The following IQGAP1 variants were observed in gnomAD, a reference collection of about 807,000 sequenced individuals.
IQGAP1 encodes the protein ras GTPase-activating-like protein IQGAP1.
IQGAP1 carries 66 observed loss-of-function variants against 215.6 expected under a neutral mutation model. That is an observed-to-expected ratio of 0.31 (90% CI 0.25 to 0.38). The LOEUF is 0.38. Among genes scored for constraint, IQGAP1 ranks in the 10% least tolerant of loss-of-function variants. The pLI is 1.00. For missense variants in IQGAP1, 1,712 were observed against 1,997.1 expected, an observed-to-expected ratio of 0.86 and a Z score of 2.72; for synonymous variants, 772 against 728.7, an observed-to-expected ratio of 1.06 and a Z score of -0.96.
At chr15:90,470,341 G>T (rs190028325) in intron 18 of IQGAP1, among the ~76,000 whole-genome samples, 1 of 152,032 alleles carries the variant, frequency 6.6e-6, no homozygotes, top group African/African-American at 2.4e-5. Flanking sequence ...TGCAGACCTT[G>T]TACTTTTTGT....
chr15:90,442,443 T>C (rs1036783770), intron 8 of IQGAP1, among the ~76,000 whole-genome samples: 6 of 129,258 alleles, frequency 4.6e-5, no homozygotes, highest in African/African-American at 1.4e-4. Context: ...AGACTCCGTC[T>C]CGGGGGGGAA....
chr15:90,483,181 T>G, intron 28 of IQGAP1, 180 bp from the exon 29 acceptor site: 1 of 569,296 alleles, frequency 1.8e-6, no homozygotes. Context: ...GGATATTTCA[T>G]TTAGTTCCAG....
chr15:90,469,155 A>G (rs1413592470), intron 18 of IQGAP1, among the ~76,000 whole-genome samples: 1 of 152,084 alleles, frequency 6.6e-6, no homozygotes, highest in African/African-American at 2.4e-5. Flanking sequence ...TACTTAAACC[A>G]GAGTTGTTTA....
chr15:90,471,654 C>G (rs1264487018), intron 18 of IQGAP1, among the ~76,000 whole-genome samples: 3 of 151,950 alleles, frequency 2.0e-5, no homozygotes, highest in Non-Finnish European at 1.5e-5. Flanking sequence ...CATGCGCCAC[C>G]ACACCTGGCT....
At chr15:90,493,072 A>G (rs1384789270) in intron 35 of IQGAP1, among the ~76,000 whole-genome samples, 1 of 152,056 alleles carries the variant, frequency 6.6e-6, no homozygotes, top group Non-Finnish European at 1.5e-5. Flanking sequence ...GTGATACCCC[A>G]TCTCTACTAA....
At chr15:90,428,956 G>A (rs961991312) in intron 3 of IQGAP1, among the ~76,000 whole-genome samples, 2 of 152,046 alleles carry the variant, frequency 1.3e-5, no homozygotes, top group Admixed American at 1.3e-4. Flanking sequence ...CAGGTTCAAC[G>A]ATTCTCCTGC....
chr15:90,481,869 G>A, intron 26 of IQGAP1, 91 bp from the exon 27 acceptor site: 1 of 1,314,908 alleles, frequency 7.6e-7, no homozygotes, highest in South Asian at 1.3e-5. Flanking sequence ...AATATTTCTG[G>A]GTCTTATAGT....
At chr15:90,491,741 T>C (rs992191031) in intron 34 of IQGAP1, 196 bp downstream of exon 34, 5 of 572,856 alleles carry the variant, frequency 8.7e-6, no homozygotes, top group South Asian at 2.2e-5. Context: ...CCTAAATTAC[T>C]AGGGAGAGGA....
intron 2 of IQGAP1, among the ~76,000 whole-genome samples, chr15:90,399,624 T>C (rs562892349): frequency 2.0e-4 from 31 of 152,346 alleles, no homozygotes; most frequent in African/African-American, 6.3e-4. Context: ...GATAGTTTAA[T>C]TTCTCTAAAA....
intron 2 of IQGAP1, among the ~76,000 whole-genome samples, chr15:90,413,544 C>T (rs1018789103): frequency 1.1e-4 from 16 of 152,050 alleles, no homozygotes; most frequent in African/African-American, 1.5e-4. Context: ...CATTTTTAGA[C>T]GTAATGTCAG....
chr15:90,479,358 T>G lies in IQGAP1; in HGVS notation c.3329+1469T>G, dbSNP rs568950754. Reference sequence around the variant, plus strand: ...TCCACACTTTGAATAACACTATTCTTCATTCTACTTTCCATGTACCCGGAT... The same window carrying G: ...TCCACACTTTGAATAACACTATTCTGCATTCTACTTTCCATGTACCCGGAT... On this transcript the variant is annotated intron_variant, in intron 26 of 37. Coordinates refer to ENST00000268182, the MANE Select transcript of IQGAP1 (RefSeq NM_003870.4). Among the ~76,000 whole-genome samples the G allele has an allele frequency of 3.0e-4, 46 of 152,300 alleles. 1 individual carries two copies. The South Asian group carries it at 9.3e-3, about 31-fold the overall frequency.
intron 9 of IQGAP1, among the ~76,000 whole-genome samples, chr15:90,447,963 A>T (rs7173201): frequency 0.36 from 54,099 of 151,820 alleles, 10,276 homozygotes; most frequent in East Asian, 0.67. Context: ...CCTTGATAGC[A>T]GGGCACTGAC....
chr15:90,435,644 T>TA (rs2151017329), intron 5 of IQGAP1, among the ~76,000 whole-genome samples: 1 of 152,348 alleles, frequency 6.6e-6, no homozygotes, highest in East Asian at 1.9e-4. Context: ...TCCTCTCTGC[T>TA]AGTTGTGTAG....
At chr15:90,444,372 C>T (rs1965497860) in intron 9 of IQGAP1, among the ~76,000 whole-genome samples, 1 of 151,250 alleles carries the variant, frequency 6.6e-6, no homozygotes, top group South Asian at 2.1e-4. Flanking sequence ...GCCTCAAACT[C>T]TTGGGCTCAA....
rs1019782068 is a variant in IQGAP1, at chr15:90,448,517, T to C, written c.914-56T>C. 21 of 1,470,406 alleles carry C rather than the reference T, an allele frequency of 1.4e-5. No homozygotes were observed. In the African/African-American group the frequency reaches 1.9e-4, roughly 13 times the overall value. The allele number at this position is 1,470,406 out of a possible 1,614,324, so 91.1% of individuals were successfully genotyped here. On this transcript the variant is annotated intron_variant, in intron 9 of 37. Transcript: ENST00000268182. ...GATTGGTTTTGGGGAAGGAAAACTA[T>C]TCTAGGCTCTTCTGTTAACATAGTC...
intron 2 of IQGAP1, among the ~76,000 whole-genome samples, chr15:90,394,089 A>G (rs941343057): frequency 2.1e-5 from 3 of 145,888 alleles, no homozygotes; most frequent in African/African-American, 7.7e-5. Flanking sequence ...AAGCTGAGAC[A>G]GTGCCATTGC....
At chr15:90,388,582 G>A (rs1476637329) in intron 1 of IQGAP1, among the ~76,000 whole-genome samples, 186 bp downstream of exon 1, 1 of 152,076 alleles carries the variant, frequency 6.6e-6, no homozygotes, top group Admixed American at 6.5e-5. Flanking sequence ...CCCCCTCGGG[G>A]TCCGAGGCGG....
At chr15:90,398,419 T>G (rs757240371) in intron 2 of IQGAP1, among the ~76,000 whole-genome samples, 5 of 152,166 alleles carry the variant, frequency 3.3e-5, no homozygotes, top group Non-Finnish European at 5.9e-5. Flanking sequence ...ATATTTAAAA[T>G]GCTTTTTACA....
chr15:90,452,731 G>A lies in IQGAP1; in HGVS notation c.1163-44G>A, dbSNP rs191730427. 8.7e-5 allele frequency: 139 copies of A among 1,593,246 alleles called. 1 individual carries two copies. The highest frequency in any genetic ancestry group is 4.3e-4 in the African/African-American group (32 of 74,454). ...AGATTGGCACCTTCTTCCCCTGAGG[G>A]CTCTCTAAGCCCACTGCGTTTCTGA... On this transcript the variant is annotated intron_variant, in intron 11 of 37. Transcript: ENST00000268182.
Sources: gnomAD v4.1 joint callset for allele counts (sites outside exome capture counted in the v4.1 genomes callset) on GRCh38, gnomAD v4.1.1 for gene constraint, MANE v1.5 for transcripts, NCBI Gene and HGNC (gene_info 2026-07-23, HGNC 2026-07-21) for gene names.